The following CNTN4 variants were observed in gnomAD, a reference collection of about 807,000 sequenced individuals.
CNTN4 encodes the protein contactin-4.
CNTN4 carries 77 observed loss-of-function variants against 122.5 expected under a neutral mutation model. The ratio of observed to expected loss-of-function variants is 0.63; its 90% CI spans 0.52 to 0.76. CNTN4 has a LOEUF of 0.76. Among genes scored for constraint, CNTN4 ranks in the 30% least tolerant of loss-of-function variants. CNTN4 has a pLI of 0.00. For synonymous variants in CNTN4, 512 were observed against 447.0 expected (o/e 1.15, Z -1.83); for missense variants, 1,256 against 1,259.1 (o/e 1.00, Z 0.04).
chr3:2,823,043 G>A (rs1011700705), intron 7 of CNTN4, among the ~76,000 whole-genome samples: 1 of 152,156 alleles, frequency 6.6e-6, no homozygotes, highest in African/African-American at 2.4e-5. Context: ...ATCAGTTTTG[G>A]ACAAGGGAAA....
chr3:2,448,076 AT>A (rs1203883863), intron 3 of CNTN4, among the ~76,000 whole-genome samples: 2 of 152,208 alleles, frequency 1.3e-5, no homozygotes, highest in African/African-American at 2.4e-5. Flanking sequence ...AAATATGGAA[AT>A]AATTGTGCCT....
chr3:2,329,434 G>C (rs1001266106), intron 2 of CNTN4, among the ~76,000 whole-genome samples: 4 of 152,134 alleles, frequency 2.6e-5, no homozygotes, highest in Admixed American at 2.0e-4. Context: ...GTGCATATAG[G>C]ATAAACGCTC....
chr3:2,490,793 T>C lies in CNTN4; in HGVS notation c.-88-80623T>C, dbSNP rs138274134. On this transcript the variant is annotated intron_variant, in intron 3 of 24. Coordinates refer to ENST00000418658, the MANE Select transcript of CNTN4 (RefSeq NM_175607.3). ...TTCAAATCACGCCCACCCTTTATTT[T>C]CTCATTCCCGTATGCTATACTTCTC... 2.7e-4 allele frequency among the ~76,000 whole-genome samples: 41 copies of C among 152,316 alleles called. 1 individual carries two copies. In the East Asian group the frequency reaches 7.7e-3, roughly 29 times the overall value.
chr3:2,373,260 C>G (rs1048753388), intron 3 of CNTN4, among the ~76,000 whole-genome samples: 2 of 152,160 alleles, frequency 1.3e-5, no homozygotes, highest in Non-Finnish European at 2.9e-5. Context: ...GTGGGTTAAG[C>G]ACAGTTGCAC....
intron 6 of CNTN4, among the ~76,000 whole-genome samples, chr3:2,779,632 T>A (rs567228149): frequency 6.6e-6 from 1 of 152,356 alleles, no homozygotes; most frequent in Admixed American, 6.5e-5. Flanking sequence ...GTGATGAACT[T>A]TGTGTAAGTC....
At chr3:2,983,410 CAGTTGTCTT>C (rs1694246332) in intron 13 of CNTN4, among the ~76,000 whole-genome samples, 1 of 151,948 alleles carries the variant, frequency 6.6e-6, no homozygotes, top group South Asian at 2.1e-4. Context: ...AACTACTCAG[CAGTTGTCTT>C]AGTCTTAACA....
At chr3:2,325,326 T>C (rs2043416346) in intron 2 of CNTN4, among the ~76,000 whole-genome samples, 1 of 152,216 alleles carries the variant, frequency 6.6e-6, no homozygotes, top group South Asian at 2.1e-4. Context: ...GAACATGCTA[T>C]TTATGTTAAT....
intron 2 of CNTN4, among the ~76,000 whole-genome samples, chr3:2,154,083 A>G (rs2035609001): frequency 6.6e-6 from 1 of 152,062 alleles, no homozygotes; most frequent in Non-Finnish European, 1.5e-5. Context: ...CCTGTTGTCT[A>G]TGATAAAATG....
chr3:2,120,406 T>TATAAATATATATA (rs1491534107), intron 2 of CNTN4, among the ~76,000 whole-genome samples: 1 of 24,572 alleles, frequency 4.1e-5, no homozygotes, highest in Non-Finnish European at 8.8e-5. Flanking sequence ...TATATATATA[T>TATAAATATATATA]TTTTTTTTTT....
rs571362584 is a variant in CNTN4 at position 2,393,922 on chromosome 3, T to C, written c.-89+54689T>C. Among the ~76,000 whole-genome samples, 11 of 152,230 alleles carry C rather than the reference T, an allele frequency of 7.2e-5. 1 individual carries two copies. The South Asian group carries it at 2.3e-3, about 32-fold the overall frequency. ...AGATATGTTTTATATCAATTATCTG[T>C]TTTAATCCTCCTAACCCTAAGAGAC... On this transcript the variant is annotated intron_variant, in intron 3 of 24. Coordinates refer to ENST00000418658, the MANE Select transcript of CNTN4 (RefSeq NM_175607.3).
intron 2 of CNTN4, among the ~76,000 whole-genome samples, chr3:2,291,786 G>A (rs930536698): frequency 1.3e-5 from 2 of 151,748 alleles, no homozygotes; most frequent in African/African-American, 4.8e-5. Flanking sequence ...CAGGCTAGAG[G>A]GCGATGGCAG....
At chr3:2,591,711 A>C (rs2080502568) in intron 4 of CNTN4, among the ~76,000 whole-genome samples, 2 of 152,106 alleles carry the variant, frequency 1.3e-5, no homozygotes, top group Admixed American at 1.3e-4. Context: ...AAGCGAAAAA[A>C]AATATGAGGT....
At chr3:2,238,453 C>T (rs1418298253) in intron 2 of CNTN4, among the ~76,000 whole-genome samples, 1 of 151,764 alleles carries the variant, frequency 6.6e-6, no homozygotes, top group South Asian at 2.1e-4. Flanking sequence ...CATAAAATTT[C>T]ATTTGCTGAT....
At chr3:2,651,073 T>A (rs2083336219) in intron 4 of CNTN4, among the ~76,000 whole-genome samples, 1 of 152,204 alleles carries the variant, frequency 6.6e-6, no homozygotes, top group Admixed American at 6.5e-5. Flanking sequence ...AGACATTGAG[T>A]GAACAAGTTT....
intron 2 of CNTN4, among the ~76,000 whole-genome samples, chr3:2,168,005 T>A (rs1357651970): frequency 6.6e-6 from 1 of 152,102 alleles, no homozygotes; most frequent in Non-Finnish European, 1.5e-5. Flanking sequence ...CTGGGCATGG[T>A]GTTGTGTGCC....
chr3:2,957,763 C>A (rs2094814866), intron 13 of CNTN4, among the ~76,000 whole-genome samples: 1 of 85,852 alleles, frequency 1.2e-5, no homozygotes. Context: ...TGACAAAGGA[C>A]ACGATTTTGT....
intron 13 of CNTN4, among the ~76,000 whole-genome samples, chr3:2,967,022 G>C (rs1374319807): frequency 1.3e-5 from 2 of 152,172 alleles, no homozygotes; most frequent in African/African-American, 4.8e-5. Context: ...AATAGAGAAA[G>C]TATAATTCAC....
chr3:2,724,597 G>A (rs2088084136), intron 4 of CNTN4, among the ~76,000 whole-genome samples: 1 of 152,000 alleles, frequency 6.6e-6, no homozygotes, highest in Non-Finnish European at 1.5e-5. Context: ...AACATTTAGA[G>A]AAAGACAGAA....
intron 3 of CNTN4, among the ~76,000 whole-genome samples, chr3:2,343,213 C>G (rs2044272830): frequency 6.6e-6 from 1 of 152,082 alleles, no homozygotes; most frequent in Non-Finnish European, 1.5e-5. Flanking sequence ...ACAACTGAAT[C>G]AAAAGGAAAA....
Sources: gnomAD v4.1 joint callset for allele counts (sites outside exome capture counted in the v4.1 genomes callset) on GRCh38, gnomAD v4.1.1 for gene constraint, MANE v1.5 for transcripts, NCBI Gene and HGNC (gene_info 2026-07-23, HGNC 2026-07-21) for gene names.